Variants in TSPAN5 observed in about 807,000 individuals in gnomAD.
TSPAN5 encodes the protein tetraspanin-5.
TSPAN5 carries 10 observed loss-of-function variants against 37.1 expected under a neutral mutation model. The observed-to-expected ratio is 0.27, with a 90% confidence interval of 0.17 to 0.46. The LOEUF is 0.46. Among genes scored for constraint, TSPAN5 ranks in the 20% least tolerant of loss-of-function variants. The pLI is 1.00. For synonymous variants in TSPAN5, 110 were observed against 118.9 expected, an observed-to-expected ratio of 0.93 and a Z score of 0.48; for missense variants, 195 against 326.6, an observed-to-expected ratio of 0.60 and a Z score of 3.11.
intron 1 of TSPAN5, among the ~76,000 whole-genome samples, chr4:98,575,938 G>A (rs1175538360): frequency 2.6e-5 from 4 of 151,980 alleles, no homozygotes; most frequent in East Asian, 1.9e-4. Context: ...GTGTGGTGGT[G>A]CATGCCTGTA....
chr4:98,592,877 G>C (rs898568630), intron 1 of TSPAN5, among the ~76,000 whole-genome samples: 1 of 148,754 alleles, frequency 6.7e-6, no homozygotes, highest in South Asian at 2.2e-4. Flanking sequence ...TTGCTATTGT[G>C]AATAGTGCCG....
At chr4:98,480,987 G>A (rs2110258535) in intron 4 of TSPAN5, among the ~76,000 whole-genome samples, 1 of 152,038 alleles carries the variant, frequency 6.6e-6, no homozygotes, top group East Asian at 1.9e-4. Context: ...TTCATCACAG[G>A]CAGACAACTA....
chr4:98,521,797 T>C (rs537092288), intron 1 of TSPAN5, among the ~76,000 whole-genome samples: 2 of 152,342 alleles, frequency 1.3e-5, no homozygotes, highest in South Asian at 4.1e-4. Flanking sequence ...TCTCTATGCC[T>C]ATATATCTGT....
At chr4:98,551,089 A>G (rs1754604571) in intron 1 of TSPAN5, among the ~76,000 whole-genome samples, 1 of 152,118 alleles carries the variant, frequency 6.6e-6, no homozygotes, top group Admixed American at 6.5e-5. Flanking sequence ...TATCATGAAG[A>G]GATGCTGAAT....
chr4:98,594,542 T>C (rs1239143633), intron 1 of TSPAN5, among the ~76,000 whole-genome samples: 1 of 63,126 alleles, frequency 1.6e-5, no homozygotes, highest in Non-Finnish European at 2.7e-5. Context: ...ATGCTTCCAG[T>C]TTTTGCCCAT....
intron 2 of TSPAN5, among the ~76,000 whole-genome samples, chr4:98,487,229 A>G (rs1206945774): frequency 6.7e-5 from 8 of 120,092 alleles, no homozygotes; most frequent in African/African-American, 1.9e-4. Context: ...TGGGAAAACT[A>G]TATGTAGAGA....
In TSPAN5 at chr4:98,483,043, T is replaced by A. The variant is rs1167657235; in HGVS notation, c.280-868A>T. On this transcript the variant is annotated intron_variant, in intron 3 of 7. Transcript: ENST00000305798. ...TCTCAGCTTAGTCATATCGACTTAC[T>A]GCTCACGCCCACTGTTTTTTCCACC... 2.0e-5 allele frequency: 3 copies of A among 152,264 alleles called. No homozygotes were observed. The East Asian group carries it at 5.8e-4, about 29-fold the overall frequency. The allele number at this position is 152,264 out of a possible 1,614,324, so 9.4% of individuals were successfully genotyped here. A position where few individuals can be genotyped will look rare whatever the true frequency, so the allele number is the denominator to read the frequency against.
At chr4:98,610,488 C>T (rs958230552) in intron 1 of TSPAN5, among the ~76,000 whole-genome samples, 3 of 152,232 alleles carry the variant, frequency 2.0e-5, no homozygotes, top group African/African-American at 7.2e-5. Context: ...AACTTCCCTC[C>T]TATTTGAGGT....
intron 2 of TSPAN5, among the ~76,000 whole-genome samples, chr4:98,496,884 G>A (rs913207978): frequency 6.6e-6 from 1 of 152,166 alleles, no homozygotes; most frequent in African/African-American, 2.4e-5. Context: ...GTTCTGGTAT[G>A]GACTAAATGT....
intron 1 of TSPAN5, among the ~76,000 whole-genome samples, chr4:98,646,485 C>T (rs1168683277): frequency 8.5e-5 from 13 of 152,144 alleles, no homozygotes; most frequent in African/African-American, 2.7e-4. Context: ...CCTAACACCA[C>T]CACAGCTATC....
intron 1 of TSPAN5, among the ~76,000 whole-genome samples, chr4:98,535,839 G>A (rs1235586212): frequency 1.3e-5 from 2 of 152,028 alleles, no homozygotes; most frequent in Non-Finnish European, 2.9e-5. Flanking sequence ...GTTGATACTT[G>A]TATATGCTTC....
chr4:98,611,874 G>A (rs1472911600), intron 1 of TSPAN5, among the ~76,000 whole-genome samples: 2 of 152,232 alleles, frequency 1.3e-5, no homozygotes, highest in African/African-American at 4.8e-5. Flanking sequence ...CCATCCCCTG[G>A]CCTGGGCCGT....
At chr4:98,517,530 G>A (rs1327205015) in intron 1 of TSPAN5, among the ~76,000 whole-genome samples, 1 of 152,072 alleles carries the variant, frequency 6.6e-6, no homozygotes, top group East Asian at 1.9e-4. Flanking sequence ...ACCAGGAGAA[G>A]GCCAGGCACC....
At chr4:98,516,818 T>C (rs936535565) in intron 1 of TSPAN5, among the ~76,000 whole-genome samples, 23 of 152,022 alleles carry the variant, frequency 1.5e-4, no homozygotes, top group African/African-American at 5.3e-4. Flanking sequence ...CCCACAAGAG[T>C]TGGTTGGCAT....
intron 1 of TSPAN5, among the ~76,000 whole-genome samples, chr4:98,542,248 C>T (rs937392880): frequency 2.0e-5 from 3 of 152,246 alleles, no homozygotes; most frequent in African/African-American, 7.2e-5. Flanking sequence ...ACATCCGTTC[C>T]ACCCATGGAG....
chr4:98,544,133 T>C (rs1421071636), intron 1 of TSPAN5, among the ~76,000 whole-genome samples: 1 of 152,120 alleles, frequency 6.6e-6, no homozygotes, highest in Non-Finnish European at 1.5e-5. Context: ...TGAGCTATGA[T>C]CACACCACTG....
chr4:98,512,651 C>T (rs1316961274), intron 1 of TSPAN5, among the ~76,000 whole-genome samples: 8 of 152,206 alleles, frequency 5.3e-5, no homozygotes, highest in Non-Finnish European at 8.8e-5. Context: ...CCTTTCCTCC[C>T]TATCTGGTGG....
At chr4:98,658,073 C>A in intron 1 of TSPAN5, 73 bp downstream of exon 1, 4 of 1,388,500 alleles carry the variant, frequency 2.9e-6, no homozygotes, top group Non-Finnish European at 4.1e-6. Context: ...GTAAAGGCAA[C>A]GAACAACGTG....
At chr4:98,526,466 C>T (rs1229139124) in intron 1 of TSPAN5, among the ~76,000 whole-genome samples, 1 of 152,264 alleles carries the variant, frequency 6.6e-6, no homozygotes, top group Non-Finnish European at 1.5e-5. Flanking sequence ...TAACAAATAC[C>T]TCTGAGGGCT....
Sources: gnomAD v4.1 joint callset for allele counts (sites outside exome capture counted in the v4.1 genomes callset) on GRCh38, gnomAD v4.1.1 for gene constraint, MANE v1.5 for transcripts, NCBI Gene and HGNC (gene_info 2026-07-23, HGNC 2026-07-21) for gene names.